The following ZNF644 variants were observed in gnomAD, a reference collection of about 807,000 sequenced individuals.
ZNF644 encodes zinc finger motif enhancer binding protein 2.
A neutral mutation model predicts 108.0 loss-of-function variants in ZNF644; 20 were observed. That is an observed-to-expected ratio of 0.19 (90% CI 0.13 to 0.27). The LOEUF (loss-of-function observed/expected upper bound fraction) is 0.27. ZNF644 is among the 10% of genes least tolerant of loss of function. ZNF644 has a pLI of 1.00. For missense variants in ZNF644, 1,338 were observed against 1,548.9 expected (o/e 0.86, Z 2.29); for synonymous variants, 542 against 539.1 (o/e 1.01, Z -0.08).
chr1:90,973,601 C>CA (rs1178318762), intron 2 of ZNF644, among the ~76,000 whole-genome samples: 1 of 151,828 alleles, frequency 6.6e-6, no homozygotes, highest in Non-Finnish European at 1.5e-5. Flanking sequence ...ATCCATCAGA[C>CA]AAAAAATATC....
intron 2 of ZNF644, among the ~76,000 whole-genome samples, chr1:90,949,037 G>A (rs1652813659): frequency 6.6e-6 from 1 of 151,890 alleles, no homozygotes; most frequent in Non-Finnish European, 1.5e-5. Context: ...ATGACATCCA[G>A]GATTGAATTA....
At chr1:90,924,561 A>C (rs1333000823) in intron 4 of ZNF644, among the ~76,000 whole-genome samples, 2 of 152,142 alleles carry the variant, frequency 1.3e-5, no homozygotes, top group Non-Finnish European at 2.9e-5. Flanking sequence ...AATTTCCTTT[A>C]AATTATTTTC....
chr1:90,921,021 A>G (rs1246257700), intron 4 of ZNF644, among the ~76,000 whole-genome samples: 1 of 152,112 alleles, frequency 6.6e-6, no homozygotes, highest in Non-Finnish European at 1.5e-5. Flanking sequence ...TCTGTTTAAA[A>G]TTGAGTATTT....
intron 4 of ZNF644, among the ~76,000 whole-genome samples, chr1:90,935,711 G>A (rs1045129557): frequency 2.0e-5 from 3 of 152,188 alleles, no homozygotes; most frequent in Non-Finnish European, 4.4e-5. Context: ...TTAGTATTTA[G>A]AGTCAACTCA....
intron 1 of ZNF644, among the ~76,000 whole-genome samples, chr1:90,994,657 T>C (rs943979922): frequency 6.6e-6 from 1 of 152,142 alleles, no homozygotes; most frequent in African/African-American, 2.4e-5. Flanking sequence ...ATTCCCCAAC[T>C]ATGCAGTGTA....
chr1:90,936,642 T>C (rs183389227), intron 4 of ZNF644, among the ~76,000 whole-genome samples: 108 of 152,258 alleles, frequency 7.1e-4, no homozygotes, highest in African/African-American at 2.5e-3. Context: ...CATGAGACCA[T>C]TTACATAAAC....
At chr1:91,021,855 C>A (rs1469173239) in intron 1 of ZNF644, 135 bp downstream of exon 1, 3 of 397,622 alleles carry the variant, frequency 7.5e-6, no homozygotes, top group African/African-American at 2.1e-5. Context: ...TAGGGCGTAG[C>A]TCCCCGGGCC....
chr1:91,011,173 A>C (rs905978525), intron 1 of ZNF644, among the ~76,000 whole-genome samples: 1 of 152,176 alleles, frequency 6.6e-6, no homozygotes, highest in Non-Finnish European at 1.5e-5. Flanking sequence ...AAAAGCTACA[A>C]TAAGAAAAGT....
chr1:91,010,728 G>C (rs1392222523), intron 1 of ZNF644, among the ~76,000 whole-genome samples: 1 of 142,712 alleles, frequency 7.0e-6, no homozygotes, highest in African/African-American at 2.5e-5. Flanking sequence ...CTTAGATCAT[G>C]AGCTCTTTGG....
At position 90,939,195 on chromosome 1, in the gene ZNF644, T is replaced by G; in HGVS notation, c.2159A>C (p.Lys720Thr). 6.2e-7 allele frequency: 1 copy of G among 1,613,890 alleles called. No individual in the cohort carries two copies. The highest frequency in any genetic ancestry group is 1.1e-5 in the South Asian group (1 of 91,074). ...TTCTTTTGCTGCTTGATGGAAATAC[T>G]TAGGTTTTTGGTCAACGCTGCTTTT... ...TIKSSVDQKPKYFHQAAKEKS... is the reference protein window; with the variant it reads ...TIKSSVDQKPTYFHQAAKEKS... Residue 720 changes from lysine (K) to threonine (T), a missense_variant, in exon 3 of 6, where the codon AAG becomes ACG. By Grantham distance (78) the Lys-to-Thr change is moderately conservative (BLOSUM62 -1). This residue lies in a region of ZNF644 where 462 missense variants were observed against 472.6 expected (regional missense o/e 0.98). Transcript: ENST00000337393.
At chr1:90,970,738 A>G (rs1253023849) in intron 2 of ZNF644, among the ~76,000 whole-genome samples, 2 of 152,164 alleles carry the variant, frequency 1.3e-5, no homozygotes, top group Non-Finnish European at 2.9e-5. Flanking sequence ...AGGGTATATA[A>G]GTGATTATCT....
intron 2 of ZNF644, among the ~76,000 whole-genome samples, chr1:90,971,423 CTTTT>C (rs895077456): frequency 6.6e-6 from 1 of 150,394 alleles, no homozygotes; most frequent in African/African-American, 2.4e-5. Flanking sequence ...TTCTTTCTTT[CTTTT>C]TTTTTGGTGG....
Position 90,986,493 on chromosome 1 carries a change from G to T in ZNF644, c.-17-4123C>A, listed in dbSNP as rs537488720. Among the ~76,000 whole-genome samples, 6 of 152,042 alleles carry T rather than the reference G, an allele frequency of 3.9e-5. No homozygotes were observed. In the East Asian group the frequency reaches 1.2e-3, roughly 29 times the overall value. Reference sequence around the variant, plus strand: ...TAGTTAATAATAATGTGTCAATATTGGTTCATTAACTGTAACAAATGTACT... The same window carrying T: ...TAGTTAATAATAATGTGTCAATATTTGTTCATTAACTGTAACAAATGTACT... On this transcript the variant is annotated intron_variant, in intron 1 of 5. Transcript: ENST00000337393.
At chr1:91,012,993 T>C (rs1660100034) in intron 1 of ZNF644, among the ~76,000 whole-genome samples, 1 of 152,200 alleles carries the variant, frequency 6.6e-6, no homozygotes, top group Non-Finnish European at 1.5e-5. Context: ...GAAGATCGAC[T>C]AGGCTTTGTT....
intron 4 of ZNF644, among the ~76,000 whole-genome samples, chr1:90,936,230 C>A (rs939410634): frequency 3.3e-5 from 5 of 152,186 alleles, no homozygotes; most frequent in Non-Finnish European, 7.4e-5. Flanking sequence ...ACTTCTCAGA[C>A]AATCCTCACT....
intron 4 of ZNF644, among the ~76,000 whole-genome samples, chr1:90,928,091 C>G (rs1471641430): frequency 2.0e-5 from 3 of 151,968 alleles, no homozygotes; most frequent in African/African-American, 7.3e-5. Flanking sequence ...GGTGATCCGC[C>G]TGCCTCGGCC....
intron 1 of ZNF644, among the ~76,000 whole-genome samples, chr1:91,015,839 ATAAT>A (rs1660385725): frequency 6.6e-6 from 1 of 152,348 alleles, no homozygotes; most frequent in South Asian, 2.1e-4. Context: ...TGTAGAAAGA[ATAAT>A]TAAACAATGG....
chr1:90,943,347 A>G (rs1652189452), intron 2 of ZNF644, among the ~76,000 whole-genome samples: 1 of 152,162 alleles, frequency 6.6e-6, no homozygotes, highest in African/African-American at 2.4e-5. Flanking sequence ...AGGCTGAGGC[A>G]GGAGAATGGC....
chr1:90,954,755 T>C (rs74891680), intron 2 of ZNF644, among the ~76,000 whole-genome samples: 9 of 152,330 alleles, frequency 5.9e-5, no homozygotes, highest in African/African-American at 2.2e-4. Flanking sequence ...CTACCACATC[T>C]ACAGTTACTT....
Sources: allele counts gnomAD v4.1 joint callset (sites outside exome capture counted in the v4.1 genomes callset), GRCh38; gene constraint gnomAD v4.1.1; regional missense constraint gnomAD v4.1.1; transcripts MANE v1.5; gene names NCBI Gene and HGNC (gene_info 2026-07-23, HGNC 2026-07-21).